FGF14: variants seen among roughly 807,000 people sequenced by gnomAD.
FGF14 encodes the protein fibroblast growth factor 14.
Under a neutral mutation model 25.5 loss-of-function variants are expected in FGF14, and 5 were observed. The ratio of observed to expected loss-of-function variants is 0.20; its 90% CI spans 0.10 to 0.41. FGF14 has a LOEUF of 0.41. Among genes scored for constraint, FGF14 ranks in the 10% least tolerant of loss-of-function variants. The pLI is 1.00. For missense variants in FGF14, 222 were observed against 320.1 expected, an observed-to-expected ratio of 0.69 and a Z score of 2.34; for synonymous variants, 138 against 118.3, an observed-to-expected ratio of 1.17 and a Z score of -1.08.
chr13:101,949,416 T>C (rs941790162), intron 1 of FGF14, among the ~76,000 whole-genome samples: 3 of 152,108 alleles, frequency 2.0e-5, no homozygotes, highest in African/African-American at 7.2e-5. Context: ...CACAGCTGCT[T>C]GGCTGCGGAA....
At chr13:101,834,558 A>G (rs914752695) in intron 3 of FGF14, among the ~76,000 whole-genome samples, 1 of 152,128 alleles carries the variant, frequency 6.6e-6, no homozygotes, top group Non-Finnish European at 1.5e-5. Flanking sequence ...AGGAAATAAG[A>G]AGGCTGAGTA....
intron 1 of FGF14, among the ~76,000 whole-genome samples, chr13:102,177,249 T>C (rs536863): frequency 0.44 from 67,350 of 152,048 alleles, 16,526 homozygotes; most frequent in African/African-American, 0.67. Flanking sequence ...TTTCTCTCAT[T>C]CATTCAGAGT....
chr13:102,360,324 C>G (rs1445319336), intron 1 of FGF14, among the ~76,000 whole-genome samples: 1 of 152,082 alleles, frequency 6.6e-6, no homozygotes, highest in Non-Finnish European at 1.5e-5. Flanking sequence ...AATTAGCCTA[C>G]AAAATAATTA....
intron 1 of FGF14, among the ~76,000 whole-genome samples, chr13:102,190,645 A>G (rs1007306648): frequency 2.0e-5 from 3 of 152,210 alleles, no homozygotes; most frequent in Non-Finnish European, 4.4e-5. Flanking sequence ...AATGTTAGGA[A>G]GACAACGAAA....
chr13:102,260,097 G>C (rs542977568), intron 1 of FGF14, among the ~76,000 whole-genome samples: 2 of 151,850 alleles, frequency 1.3e-5, no homozygotes, highest in East Asian at 3.9e-4. Context: ...CAGAGAACAA[G>C]AAAAAGAGAA....
At chr13:101,754,284 C>T (rs987863550) in intron 3 of FGF14, among the ~76,000 whole-genome samples, 1 of 152,162 alleles carries the variant, frequency 6.6e-6, no homozygotes, top group African/African-American at 2.4e-5. Context: ...TTCCTCCTGC[C>T]TTAATAAAAA....
At chr13:102,006,655 A>G (rs990644776) in intron 1 of FGF14, among the ~76,000 whole-genome samples, 3 of 152,006 alleles carry the variant, frequency 2.0e-5, no homozygotes, top group South Asian at 2.1e-4. Flanking sequence ...AGTACCTACA[A>G]TAAGCCAAAA....
intron 1 of FGF14, among the ~76,000 whole-genome samples, chr13:102,238,999 G>C (rs1048895411): frequency 6.6e-6 from 1 of 151,896 alleles, no homozygotes; most frequent in Admixed American, 6.6e-5. Flanking sequence ...AAGCATGGTG[G>C]ACTCAAAAGA....
At chr13:102,199,669 C>G (rs1594376321) in intron 1 of FGF14, among the ~76,000 whole-genome samples, 3 of 152,240 alleles carry the variant, frequency 2.0e-5, no homozygotes, top group Admixed American at 2.0e-4. Flanking sequence ...CCTCTCTGAT[C>G]CCATGCTGTA....
intron 3 of FGF14, among the ~76,000 whole-genome samples, chr13:101,762,499 A>T (rs1243075392): frequency 6.6e-6 from 1 of 152,228 alleles, no homozygotes; most frequent in Non-Finnish European, 1.5e-5. Flanking sequence ...TGAGCTATCC[A>T]TTGAAAGACT....
intron 3 of FGF14, among the ~76,000 whole-genome samples, chr13:101,816,755 T>TA (rs2041867300): frequency 1.3e-5 from 2 of 152,158 alleles, no homozygotes; most frequent in South Asian, 4.1e-4. Flanking sequence ...CTGAAGGAGA[T>TA]ATCTAAAATA....
chr13:101,838,189 C>T (rs1271046788), intron 3 of FGF14, among the ~76,000 whole-genome samples: 1 of 151,980 alleles, frequency 6.6e-6, no homozygotes, highest in Non-Finnish European at 1.5e-5. Flanking sequence ...TTAGTTTTAT[C>T]CCTCTAGAGA....
intron 1 of FGF14, among the ~76,000 whole-genome samples, chr13:101,946,252 A>G (rs1199628202): frequency 6.6e-6 from 1 of 151,420 alleles, no homozygotes; most frequent in Non-Finnish European, 1.5e-5. Flanking sequence ...GGCAGTTTCC[A>G]CAGATCTGCA....
At chr13:102,217,996 G>A (rs375547467) in intron 1 of FGF14, among the ~76,000 whole-genome samples, 1 of 152,140 alleles carries the variant, frequency 6.6e-6, no homozygotes, top group Non-Finnish European at 1.5e-5. Context: ...ATTTTAAATT[G>A]TTTAGAAAAT....
intron 1 of FGF14, among the ~76,000 whole-genome samples, chr13:102,190,553 T>C (rs1348861186): frequency 6.6e-6 from 1 of 152,206 alleles, no homozygotes; most frequent in Admixed American, 6.6e-5. Context: ...ATGTTGGCTT[T>C]GAACAATTAG....
At chr13:102,099,783 C>A (rs1257451156) in intron 1 of FGF14, among the ~76,000 whole-genome samples, 2 of 151,726 alleles carry the variant, frequency 1.3e-5, no homozygotes, top group African/African-American at 4.8e-5. Flanking sequence ...TAATAAAATT[C>A]TTAATAATTA....
intron 3 of FGF14, among the ~76,000 whole-genome samples, chr13:101,838,713 A>T (rs961819309): frequency 3.3e-5 from 5 of 152,088 alleles, no homozygotes; most frequent in African/African-American, 1.2e-4. Context: ...TATGACCTTG[A>T]ACTAGGCAGC....
At chr13:101,882,180 A>T (rs1402893376) in intron 1 of FGF14, among the ~76,000 whole-genome samples, 1 of 152,182 alleles carries the variant, frequency 6.6e-6, no homozygotes, top group Non-Finnish European at 1.5e-5. Flanking sequence ...AACTAGAAAT[A>T]GGATTCCCTA....
At chr13:102,026,602 C>T (rs909677811) in intron 1 of FGF14, among the ~76,000 whole-genome samples, 4 of 151,784 alleles carry the variant, frequency 2.6e-5, no homozygotes, top group African/African-American at 4.8e-5. Context: ...TATTATTTGT[C>T]GTCTATATTC....
Sources: allele counts gnomAD v4.1 joint callset (sites outside exome capture counted in the v4.1 genomes callset), GRCh38; gene constraint gnomAD v4.1.1; transcripts MANE v1.5; gene names NCBI Gene and HGNC (gene_info 2026-07-23, HGNC 2026-07-21).